The following ZNF57 variants were observed in gnomAD, a reference collection of about 807,000 sequenced individuals.
ZNF57 encodes the protein zinc finger protein 57.
In ZNF57, 11 loss-of-function variants were observed where a neutral mutation model predicts 13.4. The observed-to-expected ratio is 0.82, with a 90% confidence interval of 0.52 to 1.36. The LOEUF is 1.36. Among genes scored for constraint, ZNF57 ranks in the 40% most tolerant of loss-of-function variants. The pLI is 0.00. For missense variants in ZNF57, 696 were observed against 667.5 expected (o/e 1.04, Z -0.47); for synonymous variants, 224 against 238.5 (o/e 0.94, Z 0.56).
chr19:2,909,281 G>GTTTTTTTTTTTTTTT (rs753880478), intron 1 of ZNF57, among the ~76,000 whole-genome samples: 2 of 107,166 alleles, frequency 1.9e-5, no homozygotes, highest in South Asian at 3.3e-4. Context: ...ATTTATTTTT[G>GTTTTTTTTTTTTTTT]TTTTTTTTTT....
intron 2 of ZNF57, 129 bp downstream of exon 2, chr19:2,915,777 T>C (rs756521863): frequency 5.3e-5 from 74 of 1,408,542 alleles, no homozygotes; most frequent in Non-Finnish European, 7.2e-5. Context: ...GGACCTAGAA[T>C]CTAGTCATTA....
In ZNF57 at chr19:2,918,053, T is replaced by C; in HGVS notation, c.1432T>C (p.Cys478Arg). 1 of 1,614,184 alleles carries C rather than the reference T, an allele frequency of 6.2e-7. No homozygotes were observed. Residue 478 changes from cysteine to arginine, a missense_variant, in exon 4 of 4, where the codon TGT becomes CGT. Physicochemically the swap from Cys to Arg is radical, Grantham distance 180. This residue lies in a region of ZNF57 where 645 missense variants were observed against 591.5 expected (regional missense o/e 1.09). Transcript: ENST00000306908. ...GCACACTGGAGAGAAGCCTTATGAGTGTAAACAATGTGGAAAAACCTTCAC... is the reference window on the plus strand; with the variant it reads ...GCACACTGGAGAGAAGCCTTATGAGCGTAAACAATGTGGAAAAACCTTCAC... ...RMHTGEKPYE[C>R]KQCGKTFTWS...
At chr19:2,911,736 C>A (rs1161711863) in intron 1 of ZNF57, among the ~76,000 whole-genome samples, 1 of 152,160 alleles carries the variant, frequency 6.6e-6, no homozygotes, top group East Asian at 1.9e-4. Flanking sequence ...CTCAGCCACA[C>A]CCAGTCTACT....
intron 1 of ZNF57, among the ~76,000 whole-genome samples, chr19:2,902,469 C>T (rs956837281): frequency 6.6e-6 from 1 of 152,148 alleles, no homozygotes; most frequent in Non-Finnish European, 1.5e-5. Flanking sequence ...CAGGAATATT[C>T]TGTCTCCCAC....
intron 1 of ZNF57, among the ~76,000 whole-genome samples, chr19:2,901,631 C>A (rs766557949): frequency 6.6e-6 from 1 of 152,084 alleles, no homozygotes; most frequent in African/African-American, 2.4e-5. Flanking sequence ...AGCGATTCTC[C>A]TGCCTCAGCC....
intron 1 of ZNF57, among the ~76,000 whole-genome samples, chr19:2,914,244 CTTTTA>C (rs1468013919): frequency 5.9e-5 from 9 of 152,148 alleles, no homozygotes; most frequent in Admixed American, 3.9e-4. Context: ...TTATCCATTT[CTTTTA>C]TTTTTATTTA....
chr19:2,906,720 G>A (rs935341421), intron 1 of ZNF57, among the ~76,000 whole-genome samples: 1 of 152,212 alleles, frequency 6.6e-6, no homozygotes, highest in East Asian at 1.9e-4. Context: ...TTGGACATCC[G>A]TGTTGTGTGC....
At chr19:2,902,142 A>G (rs996379926) in intron 1 of ZNF57, among the ~76,000 whole-genome samples, 11 of 136,380 alleles carry the variant, frequency 8.1e-5, no homozygotes, top group African/African-American at 2.8e-4. Flanking sequence ...TGGTGCGGCC[A>G]GCTCAGAGAA....
chr19:2,912,328 C>A (rs955813563), intron 1 of ZNF57: 2 of 152,140 alleles, frequency 1.3e-5, no homozygotes, highest in East Asian at 3.8e-4. Context: ...GGGAAAGGCC[C>A]GGTGAGAAAG....
At chr19:2,905,530 G>T (rs12975733) in intron 1 of ZNF57, among the ~76,000 whole-genome samples, 4,482 of 149,996 alleles carry the variant, frequency 0.03, 99 homozygotes, top group Middle Eastern at 0.1. Context: ...CTCTACCGGC[G>T]GAGGCGGGCG....
At chr19:2,908,429 G>C (rs28680488) in intron 1 of ZNF57, among the ~76,000 whole-genome samples, 3 of 146,744 alleles carry the variant, frequency 2.0e-5, no homozygotes, top group Non-Finnish European at 3.0e-5. Flanking sequence ...GCCATTTAAC[G>C]TGCACATTTC....
At chr19:2,904,506 CA>C (rs994155022) in intron 1 of ZNF57, among the ~76,000 whole-genome samples, 1 of 152,124 alleles carries the variant, frequency 6.6e-6, no homozygotes, top group South Asian at 2.1e-4. Context: ...CACACCCAGC[CA>C]AAGTTTTTTT....
chr19:2,917,633 T>C lies in ZNF57; in HGVS notation c.1012T>C (p.Cys338Arg). 1 of 1,613,712 alleles carries C rather than the reference T, an allele frequency of 6.2e-7. No homozygotes were observed. The highest frequency in any genetic ancestry group is 8.5e-7 in the Non-Finnish European group (1 of 1,179,756). ...CCACACTGGGGACAAACTCTATAAA[T>C]GTGAACACTGTGGGAAGGCTTTTAC... Reference protein sequence around the residue: ...RIHTGDKLYKCEHCGKAFTSS... With the variant: ...RIHTGDKLYKREHCGKAFTSS... Residue 338 changes from cysteine to arginine, a missense_variant, in exon 4 of 4, where the codon TGT becomes CGT. Coordinates refer to ENST00000306908, the MANE Select transcript of ZNF57 (RefSeq NM_173480.3).
chr19:2,911,685 C>T (rs1308324015), intron 1 of ZNF57, among the ~76,000 whole-genome samples: 3 of 152,166 alleles, frequency 2.0e-5, no homozygotes, highest in Non-Finnish European at 4.4e-5. Flanking sequence ...CGCACCCAAC[C>T]TAGAAGTTTT....
At chr19:2,908,355 G>A (rs1484548166) in intron 1 of ZNF57, among the ~76,000 whole-genome samples, 1 of 151,760 alleles carries the variant, frequency 6.6e-6, no homozygotes, top group African/African-American at 2.4e-5. Flanking sequence ...TTTTGAGGAA[G>A]ACAGTGAACT....
chr19:2,906,388 A>G (rs553427104), intron 1 of ZNF57, among the ~76,000 whole-genome samples: 62 of 152,232 alleles, frequency 4.1e-4, no homozygotes, highest in Non-Finnish European at 1.5e-4. Flanking sequence ...ATGCCCAAGC[A>G]GTGTATCTTA....
At chr19:2,914,324 G>A (rs1394572150) in intron 1 of ZNF57, among the ~76,000 whole-genome samples, 2 of 151,952 alleles carry the variant, frequency 1.3e-5, no homozygotes, top group Non-Finnish European at 2.9e-5. Context: ...GCACAATCTT[G>A]GCTCACCGCA....
chr19:2,916,380 T>A lies in ZNF57; in HGVS notation c.302+131T>A. ...TTAACCAAAAAAAAAAATTTGTATT[T>A]GACTAAGACATTGAGAATTTGAAAC... On this transcript the variant is annotated intron_variant, in intron 3 of 3. Transcript: ENST00000306908. 5 of 765,798 alleles carry A rather than the reference T, an allele frequency of 6.5e-6. No individual in the cohort carries two copies. The South Asian group carries it at 9.1e-5, about 14-fold the overall frequency. 47.4% of individuals were successfully genotyped at this position (765,798 alleles called of 1,614,324 possible).
chr19:2,917,431 CAT>C lies in ZNF57; in HGVS notation c.811_812del (p.Met271AspfsTer10). 1 of 1,614,174 alleles carries C rather than the reference CAT, an allele frequency of 6.2e-7. No homozygotes were observed. ...TTTATCCCTCGACATTTCAAAGACA[CAT>C]GACAACACACACTGGAGAGAAGCCC... Reference protein sequence around the residue: ...FIYPSTFQRHMTTHTGEKPYK... With the variant: ...FIYPSTFQRHXTTHTGEKPYK... On this transcript the variant is annotated frameshift_variant, in exon 4 of 4. Coordinates refer to ENST00000306908, the MANE Select transcript of ZNF57 (RefSeq NM_173480.3). LOFTEE classifies it low-confidence loss of function (END_TRUNC).
Sources: gnomAD v4.1 joint callset for allele counts (sites outside exome capture counted in the v4.1 genomes callset) on GRCh38, gnomAD v4.1.1 for gene constraint, gnomAD v4.1.1 regional missense constraint, MANE v1.5 for transcripts, NCBI Gene and HGNC (gene_info 2026-07-23, HGNC 2026-07-21) for gene names.